Variants in CPQ observed in about 807,000 individuals in gnomAD.
CPQ encodes Ser-Met dipeptidase.
CPQ carries 37 observed loss-of-function variants against 45.7 expected under a neutral mutation model. That is an observed-to-expected ratio of 0.81 (90% CI 0.62 to 1.07). CPQ has a LOEUF of 1.07. Ranked by LOEUF, CPQ falls within the 50% of genes least tolerant of loss-of-function variation. The pLI, the probability that CPQ is intolerant of heterozygous loss-of-function variation, is 0.00. For missense variants in CPQ, 537 were observed against 572.9 expected, an observed-to-expected ratio of 0.94 and a Z score of 0.64; for synonymous variants, 186 against 205.8, an observed-to-expected ratio of 0.90 and a Z score of 0.82.
chr8:96,928,754 A>G (rs1295544524), intron 4 of CPQ, among the ~76,000 whole-genome samples: 1 of 152,198 alleles, frequency 6.6e-6, no homozygotes, highest in Non-Finnish European at 1.5e-5. Flanking sequence ...TTGTGTTCAC[A>G]GACTGAAAGT....
chr8:96,977,037 G>T (rs1347931496), intron 5 of CPQ, among the ~76,000 whole-genome samples: 1 of 152,062 alleles, frequency 6.6e-6, no homozygotes, highest in African/African-American at 2.4e-5. Context: ...CACAACAAAA[G>T]AAATCATCAG....
At chr8:97,022,996 C>CTATATACTATATACTATATATAT (rs1563557037) in intron 5 of CPQ, among the ~76,000 whole-genome samples, 3 of 143,366 alleles carry the variant, frequency 2.1e-5, no homozygotes, top group African/African-American at 7.8e-5. Context: ...TATATATATA[C>CTATATACTATATACTATATATAT]AGTATATATA....
intron 7 of CPQ, among the ~76,000 whole-genome samples, chr8:97,111,521 T>G (rs1222142860): frequency 2.0e-5 from 3 of 152,190 alleles, no homozygotes; most frequent in Non-Finnish European, 4.4e-5. Flanking sequence ...GGCCTCTCTT[T>G]TGATGTCCCT....
intron 2 of CPQ, 31 bp downstream of exon 2, chr8:96,785,361 T>C (rs1016023701): frequency 6.6e-7 from 1 of 1,522,456 alleles, no homozygotes; most frequent in Non-Finnish European, 8.9e-7. Context: ...TTGATTTGTA[T>C]TTTATAAAAC....
intron 7 of CPQ, among the ~76,000 whole-genome samples, chr8:97,127,404 GA>G (rs1483300592): frequency 6.6e-6 from 1 of 152,104 alleles, no homozygotes; most frequent in African/African-American, 2.4e-5. Flanking sequence ...AGTCATCATT[GA>G]AATACAAATT....
intron 5 of CPQ, among the ~76,000 whole-genome samples, chr8:96,971,436 C>A (rs1813677440): frequency 6.6e-6 from 1 of 152,204 alleles, no homozygotes; most frequent in Non-Finnish European, 1.5e-5. Context: ...ATGACTCTAT[C>A]AGGTTTTTCA....
chr8:96,669,045 A>G lies in CPQ; in HGVS notation c.-35+23643A>G, dbSNP rs1246850430. ...GACTGAGTGGATATCTTAGATGTCT[A>G]CTCTAATAAGGCTGTGATGAGGTAT... On this transcript the variant is annotated intron_variant, in intron 1 of 7. Coordinates refer to ENST00000220763, the MANE Select transcript of CPQ (RefSeq NM_016134.4). Among the ~76,000 whole-genome samples the G allele has an allele frequency of 2.0e-5, 3 of 152,176 alleles. No individual in the cohort carries two copies. The South Asian group carries it at 6.2e-4, about 32-fold the overall frequency.
chr8:96,871,543 T>G (rs1487663605), intron 3 of CPQ, among the ~76,000 whole-genome samples: 3 of 150,842 alleles, frequency 2.0e-5, no homozygotes, highest in Non-Finnish European at 4.4e-5. Context: ...TTTTTTTTTT[T>G]TTTTTTTTTT....
chr8:96,944,916 TA>T (rs767013556), intron 4 of CPQ, among the ~76,000 whole-genome samples: 2 of 151,998 alleles, frequency 1.3e-5, no homozygotes, highest in Non-Finnish European at 2.9e-5. Flanking sequence ...TAGAGGGTAT[TA>T]AAAAAAACTC....
At chr8:96,994,622 G>A (rs574076095) in intron 5 of CPQ, among the ~76,000 whole-genome samples, 11 of 152,140 alleles carry the variant, frequency 7.2e-5, no homozygotes, top group Admixed American at 1.3e-4. Context: ...TAAGGAGAGC[G>A]TAGAAGGAGA....
intron 6 of CPQ, among the ~76,000 whole-genome samples, chr8:97,044,428 A>C (rs1810195123): frequency 6.6e-6 from 1 of 152,034 alleles, no homozygotes; most frequent in African/African-American, 2.4e-5. Flanking sequence ...CTTTGGTTTG[A>C]ATTTCCTCCT....
chr8:96,675,075 A>G (rs1421901753), intron 1 of CPQ, among the ~76,000 whole-genome samples: 1 of 152,060 alleles, frequency 6.6e-6, no homozygotes, highest in Admixed American at 6.6e-5. Context: ...CATAAGTCAG[A>G]GAAAAGAAAT....
intron 1 of CPQ, among the ~76,000 whole-genome samples, chr8:96,774,830 G>T (rs1810586620): frequency 6.6e-6 from 1 of 152,132 alleles, no homozygotes; most frequent in South Asian, 2.1e-4. Flanking sequence ...GTTAAGTAGT[G>T]TAAACAATAT....
At chr8:97,070,422 T>C (rs946292341) in intron 7 of CPQ, among the ~76,000 whole-genome samples, 14 of 152,336 alleles carry the variant, frequency 9.2e-5, no homozygotes, top group African/African-American at 3.4e-4. Context: ...TCTCATTCTT[T>C]GCCTGTTCCA....
chr8:96,722,420 G>GTTT lies in CPQ; in HGVS notation c.-34-62436_-34-62434dup, dbSNP rs112835923. On this transcript the variant is annotated intron_variant, in intron 1 of 7. Transcript: ENST00000220763. The stretch of plus-strand genomic sequence containing the variant: ...GTTTTATTGAAATATAACCATACCA[G>GTTT]TTTTTTTTTTCACATATTATCTATC... Among the ~76,000 whole-genome samples the GTTT allele has an allele frequency of 9.4e-5, 14 of 149,336 alleles. No homozygotes were observed. The South Asian group carries it at 1.1e-3, about 11-fold the overall frequency.
intron 6 of CPQ, among the ~76,000 whole-genome samples, chr8:97,032,863 T>C (rs1282957004): frequency 6.6e-6 from 1 of 152,250 alleles, no homozygotes; most frequent in Non-Finnish European, 1.5e-5. Context: ...AAGTTTTAAA[T>C]AATGTACTAA....
intron 2 of CPQ, among the ~76,000 whole-genome samples, chr8:96,807,388 C>G (rs1467483044): frequency 5.3e-5 from 8 of 152,138 alleles, no homozygotes. Flanking sequence ...CACCCACCAC[C>G]ATGCCCGGCT....
chr8:96,757,009 C>A lies in CPQ; in HGVS notation c.-34-27855C>A, dbSNP rs554492583. ...TTTTTCTGAAAATGTATTTATTTTTCCCTAATCCTTGACTGATAGTTTTGG... is the reference window on the plus strand; with the variant it reads ...TTTTTCTGAAAATGTATTTATTTTTACCTAATCCTTGACTGATAGTTTTGG... On this transcript the variant is annotated intron_variant, in intron 1 of 7. Coordinates refer to ENST00000220763, the MANE Select transcript of CPQ (RefSeq NM_016134.4). Among the ~76,000 whole-genome samples, 181 of 152,082 alleles carry A rather than the reference C, an allele frequency of 1.2e-3. 1 individual carries two copies. Among genetic ancestry groups the A allele is most frequent in the African/African-American group, 3.5e-3 (145 of 41,476 alleles).
intron 7 of CPQ, among the ~76,000 whole-genome samples, chr8:97,116,871 C>A (rs986236575): frequency 1.3e-5 from 2 of 152,208 alleles, no homozygotes; most frequent in African/African-American, 4.8e-5. Context: ...TGTCCTTTGG[C>A]CTATGGCCTT....
Sources: allele counts gnomAD v4.1 joint callset (sites outside exome capture counted in the v4.1 genomes callset), GRCh38; gene constraint gnomAD v4.1.1; transcripts MANE v1.5; gene names NCBI Gene and HGNC (gene_info 2026-07-23, HGNC 2026-07-21).